Variants in NRG1 observed in about 807,000 individuals in gnomAD.
NRG1 encodes the protein pro-neuregulin-1, membrane-bound isoform.
A neutral mutation model predicts 63.8 loss-of-function variants in NRG1; 18 were observed. The observed-to-expected ratio is 0.28, with a 90% CI of 0.19 to 0.42. The LOEUF (loss-of-function observed/expected upper bound fraction) is 0.42. Among genes scored for constraint, NRG1 ranks in the 10% least tolerant of loss-of-function variants. The pLI is 1.00. For synonymous variants in NRG1, 302 were observed against 301.3 expected (o/e 1.00, Z -0.02); for missense variants, 762 against 814.7 (o/e 0.94, Z 0.79).
chr8:32,388,977 A>G (rs1179675825), intron 1 of NRG1, among the ~76,000 whole-genome samples: 4 of 152,224 alleles, frequency 2.6e-5, no homozygotes, highest in African/African-American at 7.2e-5. Context: ...TTAAAAATTC[A>G]TATTAGGAAA....
chr8:31,740,065 T>A (rs1473497686), intron 1 of NRG1, among the ~76,000 whole-genome samples: 1 of 152,032 alleles, frequency 6.6e-6, no homozygotes, highest in Non-Finnish European at 1.5e-5. Flanking sequence ...GCTGATATCA[T>A]TTGCCTTGTG....
chr8:32,108,347 T>C (rs565408334), intron 1 of NRG1, among the ~76,000 whole-genome samples: 2 of 152,256 alleles, frequency 1.3e-5, no homozygotes, highest in East Asian at 3.9e-4. Flanking sequence ...GCCAGCAGGT[T>C]CCATCATCTG....
At chr8:32,631,521 G>C (rs919037745) in intron 5 of NRG1, among the ~76,000 whole-genome samples, 7 of 152,254 alleles carry the variant, frequency 4.6e-5, no homozygotes, top group African/African-American at 1.7e-4. Context: ...CTGGTTTCCT[G>C]TAACTACATG....
chr8:32,040,729 TATATATATGAAATTTAGGCGC>T (rs1563713197), intron 1 of NRG1, among the ~76,000 whole-genome samples: 1 of 86,792 alleles, frequency 1.2e-5, no homozygotes, highest in Non-Finnish European at 2.4e-5. Context: ...TATATATATA[TATATATATGAAATTTAGGCGC>T]ATATATATAT....
At chr8:32,231,712 C>G (rs1846964338) in intron 1 of NRG1, among the ~76,000 whole-genome samples, 1 of 151,834 alleles carries the variant, frequency 6.6e-6, no homozygotes, top group Non-Finnish European at 1.5e-5. Context: ...ACCAGCCTGA[C>G]CAATATGGTA....
chr8:32,252,372 T>C (rs1485761375), intron 1 of NRG1, among the ~76,000 whole-genome samples: 1 of 152,192 alleles, frequency 6.6e-6, no homozygotes, highest in Non-Finnish European at 1.5e-5. Context: ...AATTTTTGTA[T>C]AAGGTGTAAG....
intron 5 of NRG1, among the ~76,000 whole-genome samples, chr8:32,705,510 T>C (rs776566396): frequency 6.6e-6 from 1 of 152,222 alleles, no homozygotes; most frequent in South Asian, 2.1e-4. Flanking sequence ...TTTAGAGATG[T>C]ACAAAAGTAG....
intron 1 of NRG1, among the ~76,000 whole-genome samples, chr8:32,359,028 T>G (rs975956534): frequency 6.6e-6 from 1 of 152,164 alleles, no homozygotes; most frequent in African/African-American, 2.4e-5. Context: ...TGATGCAAGA[T>G]TTCAGGGAGG....
At chr8:31,782,710 G>A (rs1216128816) in intron 1 of NRG1, among the ~76,000 whole-genome samples, 1 of 152,276 alleles carries the variant, frequency 6.6e-6, no homozygotes. Flanking sequence ...AACTATCCAT[G>A]AACCCAACGC....
intron 7 of NRG1, among the ~76,000 whole-genome samples, chr8:32,746,439 A>C (rs1013760728): frequency 2.0e-5 from 3 of 152,182 alleles, no homozygotes; most frequent in African/African-American, 7.2e-5. Context: ...TTCAAATTTT[A>C]ACAGGAACCA....
intron 5 of NRG1, among the ~76,000 whole-genome samples, chr8:32,643,193 T>C (rs933206375): frequency 6.6e-6 from 1 of 152,220 alleles, no homozygotes; most frequent in African/African-American, 2.4e-5. Flanking sequence ...TACTTCCTTA[T>C]CCTCTGTGGC....
intron 3 of NRG1, among the ~76,000 whole-genome samples, chr8:32,613,347 T>C (rs1588693867): frequency 6.6e-6 from 1 of 152,080 alleles, no homozygotes; most frequent in East Asian, 1.9e-4. Context: ...CACATGACTT[T>C]GTTTCCCTTT....
chr8:32,602,248 A>T (rs1406008316), intron 2 of NRG1, among the ~76,000 whole-genome samples: 3 of 151,898 alleles, frequency 2.0e-5, no homozygotes, highest in Non-Finnish European at 4.4e-5. Flanking sequence ...GCATAGAACC[A>T]TTTTTTTTAA....
intron 1 of NRG1, among the ~76,000 whole-genome samples, chr8:31,882,817 G>A (rs1160459450): frequency 1.3e-5 from 2 of 152,074 alleles, no homozygotes; most frequent in African/African-American, 4.8e-5. Flanking sequence ...GATGTGACTG[G>A]ATTGTTGCAA....
chr8:32,055,269 G>C (rs1192493489), intron 1 of NRG1, among the ~76,000 whole-genome samples: 2 of 152,024 alleles, frequency 1.3e-5, no homozygotes, highest in African/African-American at 4.8e-5. Flanking sequence ...CTTTTTGTGT[G>C]TAACATTTGA....
chr8:32,366,990 G>A (rs1291625362), intron 1 of NRG1, among the ~76,000 whole-genome samples: 1 of 151,954 alleles, frequency 6.6e-6, no homozygotes, highest in Non-Finnish European at 1.5e-5. Context: ...GGGATTACAG[G>A]TGTGAGCCAC....
At chr8:31,846,040 G>A (rs1445786426) in intron 1 of NRG1, among the ~76,000 whole-genome samples, 2 of 152,074 alleles carry the variant, frequency 1.3e-5, no homozygotes, top group Non-Finnish European at 2.9e-5. Flanking sequence ...CCCCATGAAA[G>A]GGCTATAAAT....
chr8:32,306,324 T>A (rs1382992308), intron 1 of NRG1, among the ~76,000 whole-genome samples: 1 of 152,188 alleles, frequency 6.6e-6, no homozygotes, highest in African/African-American at 2.4e-5. Flanking sequence ...GTAAATCTCC[T>A]TAAGAAAAAA....
At chr8:32,612,828 A>G (rs1846605656) in intron 3 of NRG1, among the ~76,000 whole-genome samples, 1 of 152,062 alleles carries the variant, frequency 6.6e-6, no homozygotes, top group Non-Finnish European at 1.5e-5. Context: ...TTGTAATGTC[A>G]TTGATGAATC....
Sources: allele counts gnomAD v4.1 joint callset (sites outside exome capture counted in the v4.1 genomes callset), GRCh38; gene constraint gnomAD v4.1.1; transcripts MANE v1.5; gene names NCBI Gene and HGNC (gene_info 2026-07-23, HGNC 2026-07-21).